Variants in SPMAP2 observed in about 807,000 individuals in gnomAD.
SPMAP2 encodes sperm microtubule associated protein 2.
chr19:366,936 G>A, the SPMAP2 span: 6 of 1,078,294 alleles, frequency 5.6e-6, no homozygotes, highest in East Asian at 2.7e-5. Context: ...CGGACCACAC[G>A]TCCCTGTGAT....
the SPMAP2 span, chr19:373,618 GC>G: frequency 0.12 from 162,767 of 1,373,046 alleles, 15,644 homozygotes; most frequent in East Asian, 0.51. Context: ...CAGGAGGGTG[GC>G]CGAGGTGGGG....
the SPMAP2 span, among the ~76,000 whole-genome samples, chr19:365,180 C>T: frequency 2.3e-4 from 35 of 152,322 alleles, no homozygotes; most frequent in South Asian, 1.2e-3. Flanking sequence ...TGAATATAAA[C>T]ATCCATATAC....
At chr19:362,689 T>G in the SPMAP2 span, among the ~76,000 whole-genome samples, 1 of 147,622 alleles carries the variant, frequency 6.8e-6, no homozygotes, top group South Asian at 2.1e-4. Flanking sequence ...TGGCTTGAAC[T>G]TGGGAGGCAG....
At chr19:369,849 G>A in the SPMAP2 span, among the ~76,000 whole-genome samples, 3 of 152,302 alleles carry the variant, frequency 2.0e-5, no homozygotes, top group East Asian at 5.8e-4. Context: ...TTAGGGTGGG[G>A]CAAAAACAAA....
chr19:375,556 C>CCGGTTA, the SPMAP2 span: 1 of 1,209,080 alleles, frequency 8.3e-7, no homozygotes, highest in Non-Finnish European at 1.1e-6. Context: ...AGGCCGGTGG[C>CCGGTTA]CGGTTACGAC....
the SPMAP2 span, chr19:362,012 T>G: frequency 1.6e-5 from 7 of 435,354 alleles, no homozygotes; most frequent in Non-Finnish European, 1.6e-5. Context: ...CTCGAGATGG[T>G]CAATGAAAGT....
chr19:370,629 C>T, the SPMAP2 span, among the ~76,000 whole-genome samples: 4 of 152,022 alleles, frequency 2.6e-5, no homozygotes, highest in Admixed American at 2.0e-4. Context: ...GGATGACAGG[C>T]GTGAGCCACC....
the SPMAP2 span, among the ~76,000 whole-genome samples, chr19:365,176 T>C: frequency 6.6e-6 from 1 of 152,180 alleles, no homozygotes; most frequent in Non-Finnish European, 1.5e-5. Context: ...GTCGTGAATA[T>C]AAACATCCAT....
At chr19:370,150 C>T in the SPMAP2 span, among the ~76,000 whole-genome samples, 1 of 151,774 alleles carries the variant, frequency 6.6e-6, no homozygotes, top group African/African-American at 2.4e-5. Flanking sequence ...TGCAAGACGG[C>T]GGCCAGGATG....
the SPMAP2 span, chr19:375,784 C>T: frequency 6.2e-7 from 1 of 1,610,052 alleles, no homozygotes; most frequent in East Asian, 2.2e-5. Flanking sequence ...GGGGGAAGCT[C>T]CTCTTCTGGG....
chr19:371,244 C>G, the SPMAP2 span: 1 of 1,509,008 alleles, frequency 6.6e-7, no homozygotes. Context: ...CACGAATCTT[C>G]GGGGCGGCCA....
the SPMAP2 span, chr19:375,612 G>T: frequency 6.7e-7 from 1 of 1,489,098 alleles, no homozygotes; most frequent in Non-Finnish European, 9.0e-7. Context: ...CACTGCCAGG[G>T]GCTGAGCCCT....
chr19:374,427 G>T, the SPMAP2 span: 17 of 1,613,906 alleles, frequency 1.1e-5, no homozygotes, highest in Admixed American at 8.3e-5. Flanking sequence ...GCCGGCTTTG[G>T]GAGAATTCCA....
the SPMAP2 span, chr19:374,117 C>G: frequency 6.8e-7 from 1 of 1,461,860 alleles, no homozygotes; most frequent in South Asian, 1.2e-5. Flanking sequence ...GCCACCGTTC[C>G]CTAGCCACTC....
the SPMAP2 span, among the ~76,000 whole-genome samples, chr19:369,645 C>T: frequency 6.6e-6 from 1 of 152,052 alleles, no homozygotes; most frequent in South Asian, 2.1e-4. Context: ...TTTGTGTGAG[C>T]AATAAAAGCT....
the SPMAP2 span, among the ~76,000 whole-genome samples, chr19:371,718 G>C: frequency 6.6e-6 from 1 of 152,306 alleles, no homozygotes; most frequent in Admixed American, 6.5e-5. Context: ...TGGACCCAAG[G>C]GATGAAAGTG....
chr19:370,750 G>A, the SPMAP2 span, among the ~76,000 whole-genome samples: 2 of 152,172 alleles, frequency 1.3e-5, no homozygotes, highest in African/African-American at 2.4e-5. Flanking sequence ...AACCGGCGAC[G>A]ACAAGGAATA....
the SPMAP2 span, chr19:374,302 T>A: frequency 6.2e-7 from 1 of 1,613,900 alleles, no homozygotes; most frequent in South Asian, 1.1e-5. Context: ...TCCTCACCTG[T>A]CTTTCAGGAC....
At chr19:362,507 C>T in the SPMAP2 span, 2 of 1,175,500 alleles carry the variant, frequency 1.7e-6, no homozygotes, top group Non-Finnish European at 2.4e-6. Flanking sequence ...GGAGCTCACA[C>T]CTGGAATCCC....
Sources: gnomAD v4.1 joint callset for allele counts (sites outside exome capture counted in the v4.1 genomes callset) on GRCh38, gnomAD v4.1.1 for gene constraint, MANE v1.5 for transcripts, NCBI Gene and HGNC (gene_info 2026-07-23, HGNC 2026-07-21) for gene names.